The following TENM2 variants were observed in gnomAD, a reference collection of about 807,000 sequenced individuals.
The protein encoded by TENM2 is teneurin transmembrane protein 2.
TENM2 carries 52 observed loss-of-function variants against 245.2 expected under a neutral mutation model. The observed-to-expected ratio is 0.21, with a 90% CI of 0.17 to 0.27. The LOEUF (loss-of-function observed/expected upper bound fraction) is 0.27. Among genes scored for constraint, TENM2 ranks in the 10% least tolerant of loss-of-function variants. The pLI is 1.00. For missense variants in TENM2, 3,046 were observed against 3,666.8 expected, an observed-to-expected ratio of 0.83 and a Z score of 4.37; for synonymous variants, 1,363 against 1,438.9, an observed-to-expected ratio of 0.95 and a Z score of 1.19.
intron 13 of TENM2, among the ~76,000 whole-genome samples, chr5:168,179,810 T>C (rs1759697669): frequency 6.6e-6 from 1 of 152,188 alleles, no homozygotes; most frequent in East Asian, 1.9e-4. Flanking sequence ...CCCAGGATTC[T>C]GGTGGTGTCT....
the TENM2 span, among the ~76,000 whole-genome samples, chr5:167,269,303 A>G: frequency 6.6e-6 from 1 of 152,036 alleles, no homozygotes; most frequent in Non-Finnish European, 1.5e-5. Flanking sequence ...ATTTTTAACA[A>G]AGCTTTATTG....
intron 2 of TENM2, among the ~76,000 whole-genome samples, chr5:167,458,642 T>G (rs1351970280): frequency 6.6e-6 from 1 of 152,172 alleles, no homozygotes; most frequent in African/African-American, 2.4e-5. Flanking sequence ...CAGAATTTTA[T>G]TAGTAGTAAA....
At chr5:168,084,770 C>G (rs1354428094) in intron 7 of TENM2, among the ~76,000 whole-genome samples, 1 of 152,192 alleles carries the variant, frequency 6.6e-6, no homozygotes, top group Non-Finnish European at 1.5e-5. Flanking sequence ...AGACCAAGTA[C>G]AGCCAACACC....
chr5:167,616,396 G>A (rs1023733676), intron 2 of TENM2, among the ~76,000 whole-genome samples: 1 of 152,104 alleles, frequency 6.6e-6, no homozygotes, highest in Non-Finnish European at 1.5e-5. Flanking sequence ...TGTAGAGATG[G>A]CAGTCCAATC....
At chr5:167,111,678 G>A in the TENM2 span, among the ~76,000 whole-genome samples, 1 of 152,178 alleles carries the variant, frequency 6.6e-6, no homozygotes, top group African/African-American at 2.4e-5. Context: ...CTTTAGTTCT[G>A]TCTCTTTACT....
At chr5:167,843,236 A>G (rs1416426774) in intron 2 of TENM2, among the ~76,000 whole-genome samples, 2 of 152,208 alleles carry the variant, frequency 1.3e-5, no homozygotes, top group East Asian at 1.9e-4. Flanking sequence ...TTTAAGCCCA[A>G]TAAAATTACA....
chr5:167,158,846 C>CCCGCCCTTCCTT, the TENM2 span, among the ~76,000 whole-genome samples: 1 of 86,028 alleles, frequency 1.2e-5, no homozygotes, highest in Non-Finnish European at 2.4e-5. Flanking sequence ...TCCATAGCAG[C>CCCGCCCTTCCTT]CCTTCCTTCC....
intron 3 of TENM2, among the ~76,000 whole-genome samples, chr5:167,878,017 T>G: frequency 6.6e-6 from 1 of 152,210 alleles, no homozygotes; most frequent in East Asian, 1.9e-4. Flanking sequence ...TAAAATGAGC[T>G]TTTAAAAACT....
chr5:167,647,480 G>A (rs1561635501), intron 2 of TENM2, among the ~76,000 whole-genome samples: 2 of 152,086 alleles, frequency 1.3e-5, no homozygotes, highest in South Asian at 2.1e-4. Context: ...AAAATTAGCC[G>A]GGCGTGGTGG....
At chr5:167,590,661 A>G (rs763811070) in intron 2 of TENM2, among the ~76,000 whole-genome samples, 2 of 152,130 alleles carry the variant, frequency 1.3e-5, no homozygotes, top group East Asian at 1.9e-4. Context: ...AAATGGTGCC[A>G]TGCCTCAGTA....
At chr5:167,040,311 T>G in the TENM2 span, among the ~76,000 whole-genome samples, 2 of 152,176 alleles carry the variant, frequency 1.3e-5, no homozygotes, top group South Asian at 4.1e-4. Flanking sequence ...CAAACCTTGA[T>G]GTAAATCTTG....
At chr5:167,394,646 C>T (rs975243773) in intron 2 of TENM2, among the ~76,000 whole-genome samples, 15 of 152,024 alleles carry the variant, frequency 9.9e-5, no homozygotes, top group Middle Eastern at 3.4e-3. Flanking sequence ...CAGGCTGGAG[C>T]GCAGTGGTGT....
At chr5:167,791,867 G>A (rs989406101) in intron 2 of TENM2, among the ~76,000 whole-genome samples, 1 of 152,102 alleles carries the variant, frequency 6.6e-6, no homozygotes, top group Non-Finnish European at 1.5e-5. Context: ...CATGTGGAGT[G>A]CAAAGGCAGT....
At chr5:167,829,114 T>TG (rs1370109748) in intron 2 of TENM2, among the ~76,000 whole-genome samples, 1 of 152,212 alleles carries the variant, frequency 6.6e-6, no homozygotes. Flanking sequence ...TCTTAAATCT[T>TG]GGGGGTGTTC....
chr5:167,525,562 C>T (rs952233216), intron 2 of TENM2, among the ~76,000 whole-genome samples: 5 of 152,128 alleles, frequency 3.3e-5, no homozygotes, highest in Non-Finnish European at 7.4e-5. Context: ...ATGGAAATTT[C>T]AACATGGTTG....
At chr5:168,116,662 C>G (rs1000108608) in intron 9 of TENM2, among the ~76,000 whole-genome samples, 5 of 152,128 alleles carry the variant, frequency 3.3e-5, no homozygotes, top group Non-Finnish European at 1.5e-5. Flanking sequence ...TAAACATAGT[C>G]CCTGTCTTGA....
chr5:167,233,889 T>G, the TENM2 span, among the ~76,000 whole-genome samples: 1 of 151,728 alleles, frequency 6.6e-6, no homozygotes, highest in East Asian at 1.9e-4. Flanking sequence ...TGAAAATTAA[T>G]AAACGATCAC....
chr5:167,266,736 A>G, the TENM2 span, among the ~76,000 whole-genome samples: 17,347 of 152,260 alleles, frequency 0.11, 1,176 homozygotes, highest in East Asian at 0.19. Context: ...AATATCAAGT[A>G]CCTCGTGTGT....
At chr5:168,042,506 C>T (rs1370242637) in intron 5 of TENM2, among the ~76,000 whole-genome samples, 1 of 152,134 alleles carries the variant, frequency 6.6e-6, no homozygotes, top group East Asian at 1.9e-4. Context: ...AGGGCCCACA[C>T]ATTCCCTAAT....
Sources: gnomAD v4.1 joint callset for allele counts (sites outside exome capture counted in the v4.1 genomes callset) on GRCh38, gnomAD v4.1.1 for gene constraint, MANE v1.5 for transcripts, NCBI Gene and HGNC (gene_info 2026-07-23, HGNC 2026-07-21) for gene names.